Variants in NKAIN2 observed in about 807,000 individuals in gnomAD.
NKAIN2 encodes the protein sodium/potassium transporting ATPase interacting 2, also known as sodium/potassium-transporting ATPase subunit beta-1-interacting protein 2.
Under a neutral mutation model 32.6 loss-of-function variants are expected in NKAIN2, and 14 were observed. The ratio of observed to expected loss-of-function variants is 0.43; its 90% CI spans 0.28 to 0.67. NKAIN2 has a LOEUF of 0.67. NKAIN2 is among the 30% of genes least tolerant of loss of function. The probability of loss-of-function intolerance (pLI) is 0.17; values close to 1 mark genes in which losing one functional copy is unlikely to be tolerated. For synonymous variants in NKAIN2, 80 were observed against 87.2 expected, an observed-to-expected ratio of 0.92 and a Z score of 0.46; for missense variants, 198 against 258.3, an observed-to-expected ratio of 0.77 and a Z score of 1.60.
At chr6:124,411,335 A>G (rs1326899456) in intron 3 of NKAIN2, among the ~76,000 whole-genome samples, 2 of 151,860 alleles carry the variant, frequency 1.3e-5, no homozygotes, top group African/African-American at 4.8e-5. Context: ...GTTCCTTTCC[A>G]TGTTTAGTGC....
At chr6:124,407,884 C>A (rs1183180636) in intron 3 of NKAIN2, among the ~76,000 whole-genome samples, 12 of 148,508 alleles carry the variant, frequency 8.1e-5, no homozygotes, top group Admixed American at 6.1e-4. Flanking sequence ...TAATGATTGC[C>A]ATTCTAACTG....
chr6:123,962,893 A>C (rs569309920), intron 1 of NKAIN2, among the ~76,000 whole-genome samples: 1 of 152,154 alleles, frequency 6.6e-6, no homozygotes, highest in Non-Finnish European at 1.5e-5. Context: ...AACTGTCTGC[A>C]GTTCCTCAAG....
intron 1 of NKAIN2, among the ~76,000 whole-genome samples, chr6:124,035,346 C>T (rs955272520): frequency 6.6e-6 from 1 of 152,026 alleles, no homozygotes; most frequent in African/African-American, 2.4e-5. Context: ...CAAATTTATC[C>T]AGAAGAATAC....
chr6:124,130,591 G>C (rs1452496314), intron 1 of NKAIN2, among the ~76,000 whole-genome samples: 4 of 145,930 alleles, frequency 2.7e-5, no homozygotes, highest in Non-Finnish European at 6.0e-5. Context: ...GGTATGGTAA[G>C]TGAATTTAAT....
At chr6:124,358,412 T>C (rs1799097056) in intron 3 of NKAIN2, among the ~76,000 whole-genome samples, 1 of 152,002 alleles carries the variant, frequency 6.6e-6, no homozygotes, top group Non-Finnish European at 1.5e-5. Flanking sequence ...AGTGTTCCTA[T>C]ATCTCCACAT....
At chr6:124,423,964 A>C (rs1254448915) in intron 3 of NKAIN2, among the ~76,000 whole-genome samples, 2 of 152,218 alleles carry the variant, frequency 1.3e-5, no homozygotes, top group Non-Finnish European at 2.9e-5. Flanking sequence ...TATGTAATAC[A>C]TATTATACTG....
At chr6:123,986,418 C>T (rs12660193) in intron 1 of NKAIN2, among the ~76,000 whole-genome samples, 1 of 152,152 alleles carries the variant, frequency 6.6e-6, no homozygotes, top group South Asian at 2.1e-4. Flanking sequence ...TCTTTTGCCT[C>T]AGTTGCCCAG....
intron 1 of NKAIN2, among the ~76,000 whole-genome samples, chr6:124,232,106 C>T (rs1451553019): frequency 6.6e-6 from 1 of 152,082 alleles, no homozygotes; most frequent in African/African-American, 2.4e-5. Flanking sequence ...ATATTTTCTG[C>T]CCATTCTCTG....
At chr6:124,180,435 C>A (rs1041971741) in intron 1 of NKAIN2, among the ~76,000 whole-genome samples, 1 of 152,016 alleles carries the variant, frequency 6.6e-6, no homozygotes, top group African/African-American at 2.4e-5. Flanking sequence ...TGGGAAAAAA[C>A]CCACCCCTAT....
At chr6:124,233,710 T>G (rs1792584970) in intron 1 of NKAIN2, among the ~76,000 whole-genome samples, 1 of 152,184 alleles carries the variant, frequency 6.6e-6, no homozygotes, top group South Asian at 2.1e-4. Flanking sequence ...TGTGACTCAT[T>G]TTTATGTGAT....
At chr6:124,758,295 T>G (rs1778058005) in intron 4 of NKAIN2, among the ~76,000 whole-genome samples, 1 of 151,900 alleles carries the variant, frequency 6.6e-6, no homozygotes. Flanking sequence ...TAACCCCCAG[T>G]GTGGTTAGGA....
At chr6:123,988,394 G>A (rs939229621) in intron 1 of NKAIN2, among the ~76,000 whole-genome samples, 14 of 152,146 alleles carry the variant, frequency 9.2e-5, no homozygotes, top group African/African-American at 3.4e-4. Context: ...TGGGGATTGG[G>A]GGAAGTTGTG....
At chr6:123,847,852 G>A (rs1374427300) in intron 1 of NKAIN2, among the ~76,000 whole-genome samples, 1 of 152,088 alleles carries the variant, frequency 6.6e-6, no homozygotes, top group Admixed American at 6.6e-5. Context: ...CTTGGTAATT[G>A]GGATGGTACG....
chr6:124,731,717 A>C (rs1364171080), intron 4 of NKAIN2, among the ~76,000 whole-genome samples: 3 of 152,142 alleles, frequency 2.0e-5, no homozygotes, highest in African/African-American at 7.2e-5. Context: ...AATTTAAAAA[A>C]AAAAAGAATG....
Position 123,807,692 on chromosome 6 carries a change from A to G in NKAIN2, c.54+3438A>G, listed in dbSNP as rs1477243389. On this transcript the variant is annotated intron_variant, in intron 1 of 6. Transcript: ENST00000368417. ...AGAATATAACTTAATTTAGACTGAA[A>G]GGACAGATTTGTTTTCAAGTAAGGA... Among the ~76,000 whole-genome samples, 9 of 152,268 alleles carry G rather than the reference A, an allele frequency of 5.9e-5. No individual in the cohort carries two copies. In the South Asian group the frequency reaches 1.7e-3, roughly 28 times the overall value.
intron 3 of NKAIN2, among the ~76,000 whole-genome samples, chr6:124,594,335 A>T (rs1027563775): frequency 1.1e-4 from 17 of 152,128 alleles, no homozygotes; most frequent in African/African-American, 4.1e-4. Context: ...GCAGAGACAG[A>T]GAGGGGAGCC....
At chr6:124,679,782 A>T (rs1206017626) in intron 4 of NKAIN2, among the ~76,000 whole-genome samples, 1 of 152,166 alleles carries the variant, frequency 6.6e-6, no homozygotes, top group Non-Finnish European at 1.5e-5. Context: ...TTCAGTAAAT[A>T]TTAGTTGTTT....
At chr6:124,618,459 CAA>C (rs765329758) in intron 3 of NKAIN2, among the ~76,000 whole-genome samples, 1 of 152,068 alleles carries the variant, frequency 6.6e-6, no homozygotes, top group African/African-American at 2.4e-5. Context: ...ACCTAGGTGA[CAA>C]GAGTGAAACT....
At chr6:123,925,591 A>G (rs953530875) in intron 1 of NKAIN2, among the ~76,000 whole-genome samples, 1 of 152,194 alleles carries the variant, frequency 6.6e-6, no homozygotes, top group Non-Finnish European at 1.5e-5. Context: ...AATTTAAAAA[A>G]ACAGTCATTT....
Sources: allele counts gnomAD v4.1 joint callset (sites outside exome capture counted in the v4.1 genomes callset), GRCh38; gene constraint gnomAD v4.1.1; transcripts MANE v1.5; gene names NCBI Gene and HGNC (gene_info 2026-07-23, HGNC 2026-07-21).